Variants in PLEKHH2 observed in about 807,000 individuals in gnomAD.
The protein encoded by PLEKHH2 is pleckstrin homology domain-containing family H member 2.
PLEKHH2 carries 129 observed loss-of-function variants against 187.9 expected under a neutral mutation model. That is an observed-to-expected ratio of 0.69 (90% CI 0.59 to 0.79). PLEKHH2 has a LOEUF of 0.79. Ranked by LOEUF, PLEKHH2 falls within the 30% of genes least tolerant of loss-of-function variation. The probability of loss-of-function intolerance (pLI) is 0.00; values close to 1 mark genes in which losing one functional copy is unlikely to be tolerated. For missense variants in PLEKHH2, 2,076 were observed against 1,751.2 expected (o/e 1.19, Z -3.31); for synonymous variants, 686 against 605.6 (o/e 1.13, Z -1.95).
intron 19 of PLEKHH2, among the ~76,000 whole-genome samples, chr2:43,735,842 T>A (rs912090888): frequency 1.3e-5 from 2 of 152,208 alleles, no homozygotes; most frequent in Non-Finnish European, 2.9e-5. Context: ...TAATCATATC[T>A]GTAGATGCCG....
chr2:43,655,346 G>T lies in PLEKHH2; in HGVS notation c.123+10550G>T, dbSNP rs1311525588. Among the ~76,000 whole-genome samples, 5 of 152,100 alleles carry T rather than the reference G, an allele frequency of 3.3e-5. No homozygotes were observed. In the East Asian group the frequency reaches 9.6e-4, roughly 29 times the overall value. On this transcript the variant is annotated intron_variant, in intron 2 of 29. Coordinates refer to ENST00000282406, the MANE Select transcript of PLEKHH2 (RefSeq NM_172069.4). ...TGGTGGGGGATTTGGTGAAGGAAAG[G>T]TTAGGAAATCAAGAGCAGTGGAGAG...
chr2:43,658,973 C>CTT (rs34486426), intron 2 of PLEKHH2: 2,328 of 122,772 alleles, frequency 0.019, 77 homozygotes, highest in African/African-American at 0.04. Context: ...TTTTTTCTTT[C>CTT]TTTTTTTTTT....
intron 2 of PLEKHH2, among the ~76,000 whole-genome samples, chr2:43,652,184 G>C (rs772195894): frequency 6.6e-6 from 1 of 152,140 alleles, no homozygotes; most frequent in Admixed American, 6.5e-5. Flanking sequence ...TTTTTTAGCA[G>C]GAAGTAAATG....
chr2:43,700,160 C>T lies in PLEKHH2; in HGVS notation c.1202C>T (p.Ser401Leu), dbSNP rs1372567210. 3 of 1,614,070 alleles carry T rather than the reference C, an allele frequency of 1.9e-6. No individual in the cohort carries two copies. Residue 401 changes from serine (S) to leucine (L), a missense_variant, in exon 8 of 30, where the codon TCG becomes TTG. Transcript: ENST00000282406. ...CAGAGACTCGATTATTCATCTTCAT[C>T]GAGTGAAGCCAACACCCCAAGCCCT... ...QSQRLDYSSSSSEANTPSPIL... is the reference protein window; with the variant it reads ...QSQRLDYSSSLSEANTPSPIL...
Position 43,660,488 on chromosome 2 carries a change from CT to C in PLEKHH2, c.123+15695del, listed in dbSNP as rs1471531634. Among the ~76,000 whole-genome samples the C allele has an allele frequency of 8.0e-5, 6 of 75,432 alleles. No individual in the cohort carries two copies. In the East Asian group the frequency reaches 2.5e-3, roughly 31 times the overall value. 49.5% of individuals were successfully genotyped at this position (75,432 alleles called of 152,430 possible). On this transcript the variant is annotated intron_variant, in intron 2 of 29. Coordinates refer to ENST00000282406, the MANE Select transcript of PLEKHH2 (RefSeq NM_172069.4). ...AGGAATTTATTTTTTTTTTTTTATA[CT>C]TTAAGTTTTAGGGTACATGTGCACA... is the stretch of plus-strand genomic sequence containing the variant.
chr2:43,721,619 C>T (rs1443069605), intron 16 of PLEKHH2, among the ~76,000 whole-genome samples: 1 of 152,166 alleles, frequency 6.6e-6, no homozygotes, highest in Non-Finnish European at 1.5e-5. Flanking sequence ...CATGATGGCT[C>T]ATGCCTATAA....
At chr2:43,706,979 C>T (rs1669689245) in intron 10 of PLEKHH2, among the ~76,000 whole-genome samples, 1 of 151,978 alleles carries the variant, frequency 6.6e-6, no homozygotes, top group African/African-American at 2.4e-5. Context: ...GGGCGGATCA[C>T]GAGGTCAGGA....
At chr2:43,711,103 A>G in intron 14 of PLEKHH2, 1 of 985,976 alleles carries the variant, frequency 1.0e-6, no homozygotes, top group Non-Finnish European at 1.2e-6. Flanking sequence ...ACATAAGGCC[A>G]GTCTTGCCAG....
At chr2:43,744,275 T>C (rs1036059161) in intron 23 of PLEKHH2, 24 of 494,266 alleles carry the variant, frequency 4.9e-5, no homozygotes, top group Non-Finnish European at 8.6e-6. Flanking sequence ...GTAGAAGTGC[T>C]AATAAAATGG....
At chr2:43,667,882 T>C (rs1667290033) in intron 2 of PLEKHH2, among the ~76,000 whole-genome samples, 1 of 152,052 alleles carries the variant, frequency 6.6e-6, no homozygotes, top group Non-Finnish European at 1.5e-5. Flanking sequence ...TCCACAACTC[T>C]GTGAATATAG....
intron 15 of PLEKHH2, among the ~76,000 whole-genome samples, chr2:43,714,050 A>G (rs1394614296): frequency 6.6e-6 from 1 of 152,218 alleles, no homozygotes; most frequent in Non-Finnish European, 1.5e-5. Context: ...TTTGCACAAT[A>G]CTTTTCCAGT....
At chr2:43,713,344 A>T (rs1670059746) in intron 15 of PLEKHH2, among the ~76,000 whole-genome samples, 1 of 152,192 alleles carries the variant, frequency 6.6e-6, no homozygotes, top group East Asian at 1.9e-4. Flanking sequence ...GATGCAGAAC[A>T]TTTCCATTAC....
intron 9 of PLEKHH2, 37 bp from the exon 10 acceptor site, chr2:43,706,285 G>A: frequency 6.8e-7 from 1 of 1,460,962 alleles, no homozygotes; most frequent in East Asian, 2.3e-5. Flanking sequence ...CTAATTAGAA[G>A]TTTTTTAAAA....
intron 26 of PLEKHH2, among the ~76,000 whole-genome samples, chr2:43,758,282 T>C (rs1672293538): frequency 6.6e-6 from 1 of 152,180 alleles, no homozygotes; most frequent in Non-Finnish European, 1.5e-5. Context: ...AGACAGAGTC[T>C]TGCTCTGCCA....
intron 29 of PLEKHH2, 137 bp from the exon 30 acceptor site, chr2:43,765,276 T>C: frequency 1.4e-6 from 1 of 731,268 alleles, no homozygotes. Flanking sequence ...AGCACTTCAT[T>C]GTTTGATCTA....
chr2:43,647,027 C>T (rs1166561612), intron 2 of PLEKHH2, among the ~76,000 whole-genome samples: 1 of 151,844 alleles, frequency 6.6e-6, no homozygotes, highest in Non-Finnish European at 1.5e-5. Flanking sequence ...GAATATTTTT[C>T]TCAGGTTTAA....
intron 16 of PLEKHH2, among the ~76,000 whole-genome samples, chr2:43,723,306 A>C (rs1451389785): frequency 1.3e-5 from 2 of 152,106 alleles, no homozygotes; most frequent in Admixed American, 6.5e-5. Context: ...CAGGAGAAAC[A>C]TATACATTTA....
chr2:43,731,233 C>CTATTCCCCAAATAGGA (rs1317496375), intron 18 of PLEKHH2, among the ~76,000 whole-genome samples: 2 of 151,920 alleles, frequency 1.3e-5, no homozygotes, highest in Non-Finnish European at 2.9e-5. Context: ...CTCATGTAAC[C>CTATTCCCCAAATAGGA]ACATACCACC....
chr2:43,764,687 G>T (rs1399647338), intron 29 of PLEKHH2, among the ~76,000 whole-genome samples: 1 of 152,140 alleles, frequency 6.6e-6, no homozygotes, highest in Non-Finnish European at 1.5e-5. Flanking sequence ...AAATAGTTGT[G>T]GCATTAAGTT....
Sources: allele counts gnomAD v4.1 joint callset (sites outside exome capture counted in the v4.1 genomes callset), GRCh38; gene constraint gnomAD v4.1.1; transcripts MANE v1.5; gene names NCBI Gene and HGNC (gene_info 2026-07-23, HGNC 2026-07-21).